The following LIPK variants were observed in gnomAD, a reference collection of about 807,000 sequenced individuals.
LIPK encodes lipase member K.
Under a neutral mutation model 48.6 loss-of-function variants are expected in LIPK, and 32 were observed. The ratio of observed to expected loss-of-function variants is 0.66; its 90% CI spans 0.50 to 0.88. LIPK has a LOEUF of 0.88. Ranked by LOEUF, LIPK falls within the 40% of genes least tolerant of loss-of-function variation. The pLI is 0.00. For missense variants in LIPK, 507 were observed against 478.5 expected, an observed-to-expected ratio of 1.06 and a Z score of -0.56; for synonymous variants, 164 against 157.4, an observed-to-expected ratio of 1.04 and a Z score of -0.32.
chr10:88,718,118 T>C (rs1341738106), intron 1 of LIPK, among the ~76,000 whole-genome samples: 4 of 151,636 alleles, frequency 2.6e-5, no homozygotes, highest in Non-Finnish European at 4.4e-5. Context: ...TCCCATGCAT[T>C]CTACATTCCC....
intron 1 of LIPK, among the ~76,000 whole-genome samples, chr10:88,719,020 C>T (rs34884205): frequency 0.04 from 6,028 of 152,048 alleles, 176 homozygotes; most frequent in South Asian, 0.088. Context: ...GTTATAAATA[C>T]GAAGTATTTG....
chr10:88,730,058 T>G (rs1842433118), intron 3 of LIPK, among the ~76,000 whole-genome samples: 1 of 152,220 alleles, frequency 6.6e-6, no homozygotes, highest in Non-Finnish European at 1.5e-5. Context: ...ACTTACAACC[T>G]TGTTTTTTGC....
At chr10:88,751,261 A>G (rs1448270545) in intron 9 of LIPK, among the ~76,000 whole-genome samples, 1 of 152,308 alleles carries the variant, frequency 6.6e-6, no homozygotes, top group African/African-American at 2.4e-5. Flanking sequence ...AGGAAATCCA[A>G]TAATGATTTT....
intron 7 of LIPK, among the ~76,000 whole-genome samples, chr10:88,738,825 C>T (rs770033776): frequency 1.3e-5 from 2 of 152,172 alleles, no homozygotes; most frequent in Non-Finnish European, 2.9e-5. Flanking sequence ...AAAAGCAAAA[C>T]TTACAGAATA....
chr10:88,721,600 T>C (rs1377205633), intron 1 of LIPK, among the ~76,000 whole-genome samples: 1 of 152,210 alleles, frequency 6.6e-6, no homozygotes, highest in Non-Finnish European at 1.5e-5. Flanking sequence ...GTGCCATCCC[T>C]TGGGGCTGGC....
At position 88,743,231 on chromosome 10, in the gene LIPK, C is replaced by T. The variant is rs779772771; in HGVS notation, c.889-19C>T. The T allele has an allele frequency of 3.3e-5, 50 of 1,533,352 alleles. No homozygotes were observed. In the African/African-American group the frequency reaches 5.2e-4, roughly 16 times the overall value. 95.0% of individuals were successfully genotyped at this position (1,533,352 alleles called of 1,614,324 possible). A position where few individuals can be genotyped will look rare whatever the true frequency, so the allele number is the denominator to read the frequency against. On this transcript the variant is annotated intron_variant, in intron 8 of 9. Coordinates refer to ENST00000404190, the MANE Select transcript of LIPK (RefSeq NM_001080518.2). Reference sequence around the variant, plus strand: ...ACACTATTTTCTTATATTATTTTAACGTGCTTATTTTATTTTAGGCTGTTA... The same window carrying T: ...ACACTATTTTCTTATATTATTTTAATGTGCTTATTTTATTTTAGGCTGTTA...
At chr10:88,742,048 G>A (rs138181961) in intron 8 of LIPK, among the ~76,000 whole-genome samples, 21 of 152,276 alleles carry the variant, frequency 1.4e-4, no homozygotes, top group African/African-American at 4.6e-4. Context: ...GTCTTACCAC[G>A]GTGGAGCAGG....
At chr10:88,744,337 T>C (rs923531199) in intron 9 of LIPK, among the ~76,000 whole-genome samples, 1 of 152,234 alleles carries the variant, frequency 6.6e-6, no homozygotes, top group Non-Finnish European at 1.5e-5. Context: ...TTTGCAAGCA[T>C]GCGTGTGTGC....
At chr10:88,746,703 G>T (rs1014105400) in intron 9 of LIPK, among the ~76,000 whole-genome samples, 1 of 151,988 alleles carries the variant, frequency 6.6e-6, no homozygotes, top group South Asian at 2.1e-4. Context: ...ATCACACCTA[G>T]AGAAACTAGA....
At chr10:88,714,768 C>T (rs1307448658) in intron 1 of LIPK, among the ~76,000 whole-genome samples, 2 of 151,402 alleles carry the variant, frequency 1.3e-5, no homozygotes, top group African/African-American at 4.8e-5. Flanking sequence ...TCTATTTTTC[C>T]TTGATTAGTT....
At chr10:88,747,299 G>A (rs1171125179) in intron 9 of LIPK, among the ~76,000 whole-genome samples, 1 of 152,034 alleles carries the variant, frequency 6.6e-6, no homozygotes, top group Non-Finnish European at 1.5e-5. Flanking sequence ...CCAAAATCTG[G>A]CAGAAACACA....
rs1842603231 is a variant in LIPK at position 88,737,746 on chromosome 10, A to G, written c.781A>G (p.Thr261Ala). 6.2e-7 allele frequency: 1 copy of G among 1,613,718 alleles called. No individual in the cohort carries two copies. Among genetic ancestry groups the G allele is most frequent in the East Asian group, 2.2e-5 (1 of 44,860 alleles). The change falls in exon 7 of 10, where the codon ACT (threonine) becomes GCT (alanine). Residue 261 changes from threonine (T) to alanine (A), a missense_variant. Physicochemically the swap from Thr to Ala is moderately conservative, Grantham distance 58. Transcript: ENST00000404190. ...TCGTATTTGCAGCAACTTCCTATTT[A>G]CTCTGAGTGGATTTGATCCGCAAAA... ...FRRICSNFLF[T>A]LSGFDPQNLN...
chr10:88,744,616 A>G (rs389728), intron 9 of LIPK, among the ~76,000 whole-genome samples: 33,466 of 152,190 alleles, frequency 0.22, 3,852 homozygotes, highest in East Asian at 0.37. Flanking sequence ...CAAAGAATAT[A>G]AAAGCAAAAA....
At chr10:88,751,954 T>C (rs375790) in intron 9 of LIPK, among the ~76,000 whole-genome samples, 39 of 152,140 alleles carry the variant, frequency 2.6e-4, no homozygotes, top group African/African-American at 9.2e-4. Flanking sequence ...GGTTGTGTTG[T>C]ATCAATACAA....
chr10:88,738,657 T>C (rs1431655552), intron 7 of LIPK, among the ~76,000 whole-genome samples: 1 of 152,142 alleles, frequency 6.6e-6, no homozygotes, highest in African/African-American at 2.4e-5. Flanking sequence ...AAAAAGACCT[T>C]GAAGCAAATA....
At chr10:88,726,137 G>A (rs1842333744) in intron 2 of LIPK, among the ~76,000 whole-genome samples, 1 of 152,004 alleles carries the variant, frequency 6.6e-6, no homozygotes, top group African/African-American at 2.4e-5. Context: ...TAGCCACAGG[G>A]TACTCCACAA....
intron 1 of LIPK, among the ~76,000 whole-genome samples, chr10:88,714,513 T>C (rs1454084667): frequency 6.6e-6 from 1 of 152,184 alleles, no homozygotes; most frequent in African/African-American, 2.4e-5. Context: ...TGAAACTATG[T>C]GGATCTGTAA....
intron 9 of LIPK, among the ~76,000 whole-genome samples, chr10:88,750,761 A>G (rs1272621529): frequency 6.6e-6 from 1 of 152,136 alleles, no homozygotes; most frequent in African/African-American, 2.4e-5. Flanking sequence ...TATGCAATTT[A>G]CTTATGTGGC....
At position 88,743,281 on chromosome 10, in the gene LIPK, A is replaced by G; in HGVS notation, c.920A>G (p.Asp307Gly). ...AATTCTGGTCAGCTCCAAGCTTTTG[A>G]TTGGGGAAACTCTGATCAGAACATG... ...AVNSGQLQAF[D>G]WGNSDQNMMH... Residue 307 changes from aspartate to glycine, a missense_variant, in exon 9 of 10, where the codon GAT (aspartate) becomes GGT (glycine). Physicochemically the swap from Asp to Gly is moderately conservative, Grantham distance 94. Transcript: ENST00000404190. 6.3e-7 allele frequency: 1 copy of G among 1,593,400 alleles called. No individual in the cohort carries two copies. Among genetic ancestry groups the G allele is most frequent in the Non-Finnish European group, 8.6e-7 (1 of 1,168,118 alleles).
Sources: allele counts gnomAD v4.1 joint callset (sites outside exome capture counted in the v4.1 genomes callset), GRCh38; gene constraint gnomAD v4.1.1; transcripts MANE v1.5; gene names NCBI Gene and HGNC (gene_info 2026-07-23, HGNC 2026-07-21).